PCDH19: variants seen among roughly 807,000 people sequenced by gnomAD.
PCDH19 encodes protocadherin-19.
Under a neutral mutation model 46.2 loss-of-function variants are expected in PCDH19, and 6 were observed. That is an observed-to-expected ratio of 0.13 (90% CI 0.07 to 0.26). PCDH19 has a LOEUF of 0.26. Among genes scored for constraint, PCDH19 ranks in the 10% least tolerant of loss-of-function variants. PCDH19 has a pLI of 1.00. For synonymous variants in PCDH19, 481 were observed against 415.7 expected (o/e 1.16, Z -1.91); for missense variants, 740 against 972.3 (o/e 0.76, Z 3.18).
intron 3 of PCDH19, among the ~76,000 whole-genome samples, chrX:100,377,002 C>A: frequency 8.9e-6 from 1 of 112,161 alleles, no homozygotes; most frequent in South Asian, 3.7e-4. Flanking sequence ...TAAAATTGCA[C>A]AGTATTTTGG....
intron 5 of PCDH19, among the ~76,000 whole-genome samples, chrX:100,328,637 A>G (rs1925774252): frequency 4.5e-5 from 5 of 111,764 alleles, no homozygotes. Flanking sequence ...ACTTTCAGAC[A>G]GTCAAAACAT....
intron 3 of PCDH19, among the ~76,000 whole-genome samples, chrX:100,363,304 CA>C (rs60114664): frequency 0.029 from 1,778 of 60,967 alleles, 40 homozygotes; most frequent in East Asian, 0.11. Flanking sequence ...AACTCCATCT[CA>C]AAAAAAAAAA....
At position 100,406,876 on chromosome X, in the gene PCDH19, C is replaced by A; in HGVS notation, c.1722G>T (p.Glu574Asp). 8.3e-7 allele frequency: 1 copy of A among 1,211,735 alleles called. No homozygotes were observed. The highest frequency in any genetic ancestry group is 1.1e-6 in the Non-Finnish European group (1 of 895,471). ...TGCCAGAGTTGCGGGGTATGTAGAC[C>A]TCGGCAGTGCCGTTAATCAGAGGTG... ...TAPPLINGTAEVYIPRNSGIG... is the reference protein window; with the variant it reads ...TAPPLINGTADVYIPRNSGIG... The change falls in exon 1 of 6, where the codon GAG becomes GAT. Residue 574 changes from glutamate to aspartate, a missense_variant. Glu to Asp is a conservative substitution (Grantham distance 45). Transcript: ENST00000373034.
intron 5 of PCDH19, among the ~76,000 whole-genome samples, chrX:100,332,172 A>G (rs1471863771): frequency 8.9e-6 from 1 of 111,987 alleles, no homozygotes; most frequent in Non-Finnish European, 1.9e-5. Flanking sequence ...TCTCACGACT[A>G]TTTTGTCCAC....
intron 3 of PCDH19, among the ~76,000 whole-genome samples, chrX:100,353,860 T>A (rs1926637749): frequency 1.8e-5 from 2 of 111,892 alleles, no homozygotes; most frequent in South Asian, 3.8e-4. Flanking sequence ...TGTCTCATGC[T>A]GCATCCTAAT....
chrX:100,333,179 GAGAGAGAAAGAAAGAA>G (rs1925954392), intron 5 of PCDH19, among the ~76,000 whole-genome samples: 1 of 46,928 alleles, frequency 2.1e-5, no homozygotes, highest in Admixed American at 2.6e-4. Context: ...GGAAGGGAGA[GAGAGAGAAAGAAAGAA>G]AGAAAGAAAG....
chrX:100,363,730 TTA>T (rs1249133626), intron 3 of PCDH19, among the ~76,000 whole-genome samples: 5 of 100,006 alleles, frequency 5.0e-5, no homozygotes, highest in African/African-American at 1.1e-4. Context: ...TATATTTATT[TTA>T]TATATATAAA....
intron 5 of PCDH19, among the ~76,000 whole-genome samples, chrX:100,331,830 C>G (rs755990744): frequency 1.8e-5 from 2 of 111,897 alleles, no homozygotes; most frequent in Non-Finnish European, 3.8e-5. Flanking sequence ...GAGGCCTCCC[C>G]AGCCATGCAG....
rs1924485853 is a variant in PCDH19 at position 100,293,301 on chromosome X, G to A, written c.*2976C>T. 1 of 112,164 alleles carries A rather than the reference G, an allele frequency of 8.9e-6. No homozygotes were observed. The highest frequency in any genetic ancestry group is 3.7e-4 in the South Asian group (1 of 2,710). 9.2% of individuals were successfully genotyped at this position (112,164 alleles called of 1,213,427 possible). On this transcript the variant is annotated 3_prime_UTR_variant, in exon 6 of 6. Transcript: ENST00000373034. ...ACCTGTCTGGGGAATTGCCAAAGCA[G>A]TTATCATTAAAGCATGTCACACTTC...
At chrX:100,323,012 A>G (rs754959689) in intron 5 of PCDH19, among the ~76,000 whole-genome samples, 27 of 108,181 alleles carry the variant, frequency 2.5e-4, no homozygotes, top group African/African-American at 7.9e-4. Context: ...CTTAAATATC[A>G]ACATGAGCAA....
intron 3 of PCDH19, among the ~76,000 whole-genome samples, chrX:100,379,821 A>T (rs1294279922): frequency 4.5e-5 from 5 of 111,655 alleles, no homozygotes; most frequent in Non-Finnish European, 9.4e-5. Context: ...CTATGTTATA[A>T]ATGTGACTAG....
chrX:100,328,224 G>A (rs1925759432), intron 5 of PCDH19, among the ~76,000 whole-genome samples: 1 of 111,814 alleles, frequency 8.9e-6, no homozygotes, highest in Non-Finnish European at 1.9e-5. Flanking sequence ...GCACTAAAAG[G>A]TGCTGTAGAC....
At chrX:100,339,802 C>T (rs1425154238) in intron 5 of PCDH19, among the ~76,000 whole-genome samples, 5 of 111,889 alleles carry the variant, frequency 4.5e-5, no homozygotes, top group Non-Finnish European at 9.4e-5. Context: ...AGGGTTGGCT[C>T]AAGGTTTAAC....
At chrX:100,322,866 T>TATATATATATATATATATATA (rs1491391280) in intron 5 of PCDH19, among the ~76,000 whole-genome samples, 1 of 36,866 alleles carries the variant, frequency 2.7e-5, no homozygotes, top group African/African-American at 1.1e-4. Flanking sequence ...TATATATATA[T>TATATATATATATATATATATA]TTTTGCAGCT....
chrX:100,373,800 T>G (rs1282488655), intron 3 of PCDH19, among the ~76,000 whole-genome samples: 1 of 112,516 alleles, frequency 8.9e-6, no homozygotes, highest in African/African-American at 3.2e-5. Flanking sequence ...GCAAGAAAGT[T>G]CTAGATGAGC....
chrX:100,309,500 C>G (rs1472044688), intron 5 of PCDH19, among the ~76,000 whole-genome samples: 4 of 111,201 alleles, frequency 3.6e-5, no homozygotes, highest in African/African-American at 1.3e-4. Context: ...TTCATGGAAC[C>G]AAACACCATT....
At chrX:100,355,184 T>C (rs1405141651) in intron 3 of PCDH19, among the ~76,000 whole-genome samples, 2 of 112,038 alleles carry the variant, frequency 1.8e-5, no homozygotes, top group Non-Finnish European at 3.8e-5. Context: ...CTTAGGGTGT[T>C]ATCCTTTAAG....
rs965043399 is a variant in PCDH19 at position 100,350,761 on chromosome X, G to A, written c.2617-57C>T. On this transcript the variant is annotated intron_variant, in intron 3 of 5. Transcript: ENST00000373034. The stretch of plus-strand genomic sequence containing the variant: ...CACAGATGATTCATAAGTAGATTTC[G>A]AACTGCCCTACTTAGAAGGAATTTT... The A allele has an allele frequency of 1.1e-4, 81 of 767,836 alleles. No individual in the cohort carries two copies. The South Asian group carries it at 1.4e-3, about 13-fold the overall frequency. The allele number at this position is 767,836 out of a possible 1,213,427, so 63.3% of individuals were successfully genotyped here. A position where few individuals can be genotyped will look rare whatever the true frequency, so the allele number is the denominator to read the frequency against.
intron 5 of PCDH19, among the ~76,000 whole-genome samples, chrX:100,312,841 G>A (rs1161460893): frequency 3.6e-5 from 4 of 111,634 alleles, no homozygotes; most frequent in Non-Finnish European, 7.5e-5. Context: ...GGCCACAGCT[G>A]TGAGAACTTT....
Sources: gnomAD v4.1 joint callset for allele counts (sites outside exome capture counted in the v4.1 genomes callset) on GRCh38, gnomAD v4.1.1 for gene constraint, MANE v1.5 for transcripts, NCBI Gene and HGNC (gene_info 2026-07-23, HGNC 2026-07-21) for gene names.